TPR: variants seen among roughly 807,000 people sequenced by gnomAD.
TPR encodes the protein translocated promoter region, nuclear basket protein.
In TPR, 51 loss-of-function variants were observed where a neutral mutation model predicts 316.1. The observed-to-expected ratio is 0.16, with a 90% CI of 0.13 to 0.20. TPR has a LOEUF of 0.20. Ranked by LOEUF, TPR falls within the 10% of genes least tolerant of loss-of-function variation. The probability of loss-of-function intolerance (pLI) is 1.00; values close to 1 mark genes in which losing one functional copy is unlikely to be tolerated. For missense variants in TPR, 2,272 were observed against 2,754.8 expected, an observed-to-expected ratio of 0.82 and a Z score of 3.92; for synonymous variants, 981 against 914.7, an observed-to-expected ratio of 1.07 and a Z score of -1.31.
intron 2 of TPR, 82 bp from the exon 3 acceptor site, chr1:186,371,125 A>G: frequency 9.8e-7 from 1 of 1,022,262 alleles, no homozygotes; most frequent in Non-Finnish European, 1.5e-6. Context: ...CCAACCTTAC[A>G]TATTTTAATA....
chr1:186,346,117 T>C lies in TPR; in HGVS notation c.3096+18A>G. ...CCTTACAAGTTAAAAAAAAAATTAA[T>C]ACGGTTAACCTATTTACCTGTTGTT... is the stretch of plus-strand genomic sequence containing the variant. On this transcript the variant is annotated intron_variant, in intron 23 of 50. Coordinates refer to ENST00000367478, the MANE Select transcript of TPR (RefSeq NM_003292.3). The C allele has an allele frequency of 2.6e-6, 4 of 1,562,874 alleles. No individual in the cohort carries two copies. Among genetic ancestry groups the C allele is most frequent in the East Asian group, 4.5e-5 (2 of 44,264 alleles).
chr1:186,337,839 T>C (rs940409088), intron 31 of TPR, among the ~76,000 whole-genome samples, 194 bp downstream of exon 31: 1 of 152,038 alleles, frequency 6.6e-6, no homozygotes, highest in Non-Finnish European at 1.5e-5. Flanking sequence ...GACTGAACTA[T>C]CTAGTATTTA....
chr1:186,329,760 C>T (rs769413607), intron 39 of TPR, among the ~76,000 whole-genome samples: 1 of 152,126 alleles, frequency 6.6e-6, no homozygotes, highest in Non-Finnish European at 1.5e-5. Flanking sequence ...ACAAAATAAA[C>T]GCAGCTAAGA....
At chr1:186,314,799 C>T (rs1657544682) in intron 49 of TPR, 75 bp from the exon 50 acceptor site, 1 of 853,878 alleles carries the variant, frequency 1.2e-6, no homozygotes, top group Non-Finnish European at 1.8e-6. Flanking sequence ...AAACTAATTA[C>T]TAAATGAATG....
intron 37 of TPR, 146 bp from the exon 38 acceptor site, chr1:186,332,489 T>G (rs1658194739): frequency 4.7e-6 from 4 of 857,090 alleles, no homozygotes; most frequent in Non-Finnish European, 5.2e-6. Flanking sequence ...AATCAACTCC[T>G]AGATCAATGT....
rs1265950381 is a variant in TPR at position 186,375,065 on chromosome 1, C to G, written c.-37G>C. 1 of 1,613,202 alleles carries G rather than the reference C, an allele frequency of 6.2e-7. No homozygotes were observed. Among genetic ancestry groups the G allele is most frequent in the South Asian group, 1.1e-5 (1 of 91,038 alleles). ...CAGGGACCCCAGTGGCAGCGGCCGACGGGGTAGAAGCGGAGAAGAAAGGCG... is the reference window on the plus strand; with the variant it reads ...CAGGGACCCCAGTGGCAGCGGCCGAGGGGGTAGAAGCGGAGAAGAAAGGCG... On this transcript the variant is annotated 5_prime_UTR_variant, in exon 1 of 51. Transcript: ENST00000367478.
chr1:186,363,436 T>G lies in TPR; in HGVS notation c.437A>C (p.Lys146Thr). 6.2e-7 allele frequency: 1 copy of G among 1,607,364 alleles called. No homozygotes were observed. The highest frequency in any genetic ancestry group is 8.5e-7 in the Non-Finnish European group (1 of 1,174,610). The change falls in exon 5 of 51, where the codon AAA becomes ACA. Residue 146 changes from lysine (K) to threonine (T), a missense_variant. Lys to Thr is a moderately conservative substitution (Grantham distance 78, BLOSUM62 -1). Coordinates refer to ENST00000367478, the MANE Select transcript of TPR (RefSeq NM_003292.3). ...QELEYLTEDVKRLNEKLKESN... is the reference protein window; with the variant it reads ...QELEYLTEDVTRLNEKLKESN... ...TTCTTTAAGTTTTTCATTCAGACGT[T>G]TAACATCCTCTAGAATGGTGAAGAG... is the stretch of plus-strand genomic sequence containing the variant.
chr1:186,364,391 A>AG (rs1229084808), intron 4 of TPR, among the ~76,000 whole-genome samples: 1 of 152,128 alleles, frequency 6.6e-6, no homozygotes, highest in Non-Finnish European at 1.5e-5. Flanking sequence ...TTAAAAAAAA[A>AG]AAAAGAAATA....
intron 38 of TPR, 82 bp from the exon 39 acceptor site, chr1:186,331,663 A>G: frequency 2.3e-6 from 2 of 854,728 alleles, no homozygotes; most frequent in Admixed American, 2.9e-5. Flanking sequence ...CTCTCATTTG[A>G]AAAAACCCTT....
intron 39 of TPR, among the ~76,000 whole-genome samples, chr1:186,329,447 A>C (rs2102061844): frequency 6.6e-6 from 1 of 152,322 alleles, no homozygotes; most frequent in South Asian, 2.1e-4. Context: ...TGCAAGCATA[A>C]ATGCAAAATT....
chr1:186,312,974 AATG>A lies in TPR; in HGVS notation c.*994_*996del, dbSNP rs1370335581. 7.0e-5 allele frequency: 99 copies of A among 1,416,056 alleles called. 2 individuals carry two copies. The South Asian group carries it at 1.0e-3, about 15-fold the overall frequency. The allele number at this position is 1,416,056 out of a possible 1,614,324, so 87.7% of individuals were successfully genotyped here. A position where few individuals can be genotyped will look rare whatever the true frequency, so the allele number is the denominator to read the frequency against. ...AAGATAAAGTAAAAATGCTGGCTGC[AATG>A]ATGACTGAATGTGAGAAGTTACACT... On this transcript the variant is annotated 3_prime_UTR_variant, in exon 51 of 51. Transcript: ENST00000367478.
intron 11 of TPR, 79 bp downstream of exon 11, chr1:186,360,194 T>C (rs1261021358): frequency 6.7e-6 from 10 of 1,493,662 alleles, no homozygotes; most frequent in South Asian, 1.2e-5. Context: ...AAATAAGTTT[T>C]GGGAGAATTA....
chr1:186,327,559 TGTC>T lies in TPR; in HGVS notation c.5787_5789del (p.Thr1931del). 6.2e-7 allele frequency: 1 copy of T among 1,612,640 alleles called. No individual in the cohort carries two copies. Among genetic ancestry groups the T allele is most frequent in the Non-Finnish European group, 8.5e-7 (1 of 1,179,744 alleles). On this transcript the variant is annotated inframe_deletion, in exon 40 of 51. Coordinates refer to ENST00000367478, the MANE Select transcript of TPR (RefSeq NM_003292.3). ...TGCCTTGACCATCCTGGGATGAAGT[TGTC>T]GTCTGCTGATCTGATTGAAGTGGCC...
intron 31 of TPR, 103 bp downstream of exon 31, chr1:186,337,930 G>A (rs1043079907): frequency 9.8e-6 from 9 of 915,156 alleles, no homozygotes; most frequent in Non-Finnish European, 1.1e-5. Context: ...ATGCTTACAC[G>A]ATTTCGGTAT....
chr1:186,311,854 T>C lies in TPR; in HGVS notation c.*2117A>G, dbSNP rs1448344515. ...TTTACTTTCGCTTCACAAATGTGCA[T>C]GTCATCCTTGCACAAGGGCCATGCT... On this transcript the variant is annotated 3_prime_UTR_variant, in exon 51 of 51. Coordinates refer to ENST00000367478, the MANE Select transcript of TPR (RefSeq NM_003292.3). 5 of 568,844 alleles carry C rather than the reference T, an allele frequency of 8.8e-6. No individual in the cohort carries two copies. The highest frequency in any genetic ancestry group is 7.5e-5 in the African/African-American group (4 of 53,504). The allele number at this position is 568,844 out of a possible 1,614,324, so 35.2% of individuals were successfully genotyped here. A position where few individuals can be genotyped will look rare whatever the true frequency, so the allele number is the denominator to read the frequency against.
intron 21 of TPR, among the ~76,000 whole-genome samples, chr1:186,348,402 C>A (rs1658747933): frequency 6.6e-6 from 1 of 152,114 alleles, no homozygotes; most frequent in Admixed American, 6.6e-5. Context: ...TGCTCTGGAA[C>A]CCTGTTTTCT....
chr1:186,351,841 A>C lies in TPR; in HGVS notation c.2469+135T>G, dbSNP rs6695920. 10,484 of 1,001,334 alleles carry C rather than the reference A, an allele frequency of 0.01. 741 individuals are homozygous for C. The African/African-American group carries it at 0.16, about 15-fold the overall frequency. The allele number at this position is 1,001,334 out of a possible 1,614,324, so 62.0% of individuals were successfully genotyped here. A position where few individuals can be genotyped will look rare whatever the true frequency, so the allele number is the denominator to read the frequency against. ...TTTAAAATATTTAAATGTCTTAATA[A>C]ACTGCAAAATTCAATGATCATAATG... On this transcript the variant is annotated intron_variant, in intron 19 of 50. Transcript: ENST00000367478.
chr1:186,341,554 C>A (rs927769547), intron 27 of TPR, 165 bp from the exon 28 acceptor site: 9 of 613,946 alleles, frequency 1.5e-5, no homozygotes, highest in South Asian at 8.0e-5. Context: ...GTGAGGCATG[C>A]GAACTGCAGA....
intron 34 of TPR, 92 bp downstream of exon 34, chr1:186,335,246 T>A: frequency 6.4e-7 from 1 of 1,552,428 alleles, no homozygotes; most frequent in Admixed American, 2.0e-5. Flanking sequence ...TTAGCCAAAA[T>A]TCACTGACAA....
Sources: allele counts gnomAD v4.1 joint callset (sites outside exome capture counted in the v4.1 genomes callset), GRCh38; gene constraint gnomAD v4.1.1; transcripts MANE v1.5; gene names NCBI Gene and HGNC (gene_info 2026-07-23, HGNC 2026-07-21).